The following RNF150 variants were observed in gnomAD, a reference collection of about 807,000 sequenced individuals.
The protein encoded by RNF150 is ring finger protein 150.
In RNF150, 24 loss-of-function variants were observed where a neutral mutation model predicts 39.3. The ratio of observed to expected loss-of-function variants is 0.61; its 90% CI spans 0.44 to 0.86. RNF150 has a LOEUF of 0.86. Ranked by LOEUF, RNF150 falls within the 40% of genes least tolerant of loss-of-function variation. The pLI, the probability that RNF150 is intolerant of heterozygous loss-of-function variation, is 0.00. For synonymous variants in RNF150, 255 were observed against 227.3 expected, an observed-to-expected ratio of 1.12 and a Z score of -1.10; for missense variants, 502 against 587.8, an observed-to-expected ratio of 0.85 and a Z score of 1.51.
chr4:141,086,299 A>C (rs895011766), intron 1 of RNF150, among the ~76,000 whole-genome samples: 4 of 152,176 alleles, frequency 2.6e-5, no homozygotes, highest in African/African-American at 7.2e-5. Flanking sequence ...TAGATTTCTA[A>C]AAGTTTCATA....
intron 1 of RNF150, among the ~76,000 whole-genome samples, chr4:141,069,605 C>G (rs879411460): frequency 8.0e-5 from 12 of 150,476 alleles, no homozygotes; most frequent in Admixed American, 4.6e-4. Flanking sequence ...CCCTCTTTTT[C>G]TATTGATTGG....
At chr4:140,987,146 G>C (rs1327585719) in intron 1 of RNF150, among the ~76,000 whole-genome samples, 1 of 152,002 alleles carries the variant, frequency 6.6e-6, no homozygotes, top group African/African-American at 2.4e-5. Context: ...AATATTCCAT[G>C]TACATGAATT....
intron 1 of RNF150, among the ~76,000 whole-genome samples, chr4:141,103,500 A>G (rs1346312393): frequency 6.6e-6 from 1 of 152,216 alleles, no homozygotes; most frequent in African/African-American, 2.4e-5. Context: ...AATGCTTGCT[A>G]CTGTGGGTAT....
intron 1 of RNF150, among the ~76,000 whole-genome samples, chr4:141,047,825 A>G (rs1186160159): frequency 6.6e-6 from 1 of 152,102 alleles, no homozygotes; most frequent in Non-Finnish European, 1.5e-5. Context: ...CAACAAACTT[A>G]ATGGATCATT....
chr4:141,055,427 T>C (rs55862471), intron 1 of RNF150, among the ~76,000 whole-genome samples: 66,080 of 151,998 alleles, frequency 0.43, 16,549 homozygotes, highest in Non-Finnish European at 0.57. Flanking sequence ...ATGAGTTTTA[T>C]TCCTTTAAAA....
rs1728023627 is a variant in RNF150, at chr4:141,186,947, G to A, written c.-6+25847C>T. 2.0e-5 allele frequency among the ~76,000 whole-genome samples: 3 copies of A among 152,090 alleles called. No homozygotes were observed. In the South Asian group the frequency reaches 6.2e-4, roughly 32 times the overall value. Reference sequence around the variant, plus strand: ...TCTAGTTCTTTTAGTTGTGATGTTAGGGTGTCGATTATAGATCTTTCCCAC... The same window carrying A: ...TCTAGTTCTTTTAGTTGTGATGTTAAGGTGTCGATTATAGATCTTTCCCAC... On this transcript the variant is annotated intron_variant, in intron 1 of 7. Transcript: ENST00000420921.
intron 2 of RNF150, among the ~76,000 whole-genome samples, chr4:140,965,219 A>G (rs1733190967): frequency 6.6e-6 from 1 of 152,172 alleles, no homozygotes; most frequent in African/African-American, 2.4e-5. Flanking sequence ...GACGTCTATC[A>G]TGCAGAAAAC....
At chr4:140,916,837 T>G (rs1459271208) in intron 5 of RNF150, among the ~76,000 whole-genome samples, 1 of 152,132 alleles carries the variant, frequency 6.6e-6, no homozygotes, top group African/African-American at 2.4e-5. Flanking sequence ...GACTAACAGC[T>G]GATCTCTTGG....
chr4:140,898,140 G>T (rs573580317), intron 6 of RNF150, among the ~76,000 whole-genome samples: 1 of 152,170 alleles, frequency 6.6e-6, no homozygotes, highest in African/African-American at 2.4e-5. Context: ...GGCCCCAAAG[G>T]TGTTGTTCTA....
intron 5 of RNF150, among the ~76,000 whole-genome samples, chr4:140,918,639 T>G (rs1156602750): frequency 6.6e-6 from 1 of 151,962 alleles, no homozygotes; most frequent in East Asian, 1.9e-4. Context: ...CTTCTGAAAC[T>G]ATTCCAATCA....
At chr4:141,200,458 C>T (rs1365794426) in intron 1 of RNF150, among the ~76,000 whole-genome samples, 1 of 151,878 alleles carries the variant, frequency 6.6e-6, no homozygotes, top group African/African-American at 2.4e-5. Context: ...TACAGACTGT[C>T]ATCTTTTGGG....
chr4:141,099,135 A>G (rs1738912137), intron 1 of RNF150, among the ~76,000 whole-genome samples: 1 of 152,124 alleles, frequency 6.6e-6, no homozygotes, highest in African/African-American at 2.4e-5. Context: ...ATGATTTTGT[A>G]GGATGATAAC....
chr4:140,996,972 T>C (rs184956466), intron 1 of RNF150: 10 of 152,338 alleles, frequency 6.6e-5, no homozygotes, highest in African/African-American at 2.4e-4. Flanking sequence ...TGAAGTAAAT[T>C]TGTGTGGTTT....
intron 1 of RNF150, among the ~76,000 whole-genome samples, chr4:140,986,697 G>A (rs1448813836): frequency 6.6e-6 from 1 of 152,022 alleles, no homozygotes; most frequent in African/African-American, 2.4e-5. Context: ...TGGATGAATA[G>A]GCACATCAAT....
chr4:140,935,536 T>C (rs111367953), intron 4 of RNF150, among the ~76,000 whole-genome samples: 2 of 152,150 alleles, frequency 1.3e-5, no homozygotes, highest in African/African-American at 4.8e-5. Flanking sequence ...ACATTTGCTA[T>C]GTTGAAAAAC....
chr4:141,186,235 C>T (rs749740808), intron 1 of RNF150, among the ~76,000 whole-genome samples: 4 of 152,108 alleles, frequency 2.6e-5, no homozygotes, highest in Non-Finnish European at 5.9e-5. Flanking sequence ...TTCAAGGACT[C>T]GACTTCTTCC....
chr4:141,152,060 A>G (rs1578768885), intron 1 of RNF150, among the ~76,000 whole-genome samples: 1 of 152,354 alleles, frequency 6.6e-6, no homozygotes, highest in African/African-American at 2.4e-5. Context: ...CATTTGATCA[A>G]TTTTAACAAT....
At chr4:141,050,718 C>T (rs1736744146) in intron 1 of RNF150, among the ~76,000 whole-genome samples, 1 of 152,202 alleles carries the variant, frequency 6.6e-6, no homozygotes, top group Non-Finnish European at 1.5e-5. Flanking sequence ...AGCTCCGCCC[C>T]TGTGGCTATG....
intron 4 of RNF150, among the ~76,000 whole-genome samples, chr4:140,941,669 G>A (rs1732087820): frequency 1.3e-5 from 2 of 152,156 alleles, no homozygotes; most frequent in African/African-American, 4.8e-5. Context: ...TAGAAGCAGG[G>A]AGACTAGTGA....
Sources: allele counts gnomAD v4.1 joint callset (sites outside exome capture counted in the v4.1 genomes callset), GRCh38; gene constraint gnomAD v4.1.1; transcripts MANE v1.5; gene names NCBI Gene and HGNC (gene_info 2026-07-23, HGNC 2026-07-21).